The following IL1RAPL2 variants were observed in gnomAD, a reference collection of about 807,000 sequenced individuals.
The protein encoded by IL1RAPL2 is X-linked interleukin-1 receptor accessory protein-like 2.
IL1RAPL2 carries 3 observed loss-of-function variants against 44.1 expected under a neutral mutation model. The observed-to-expected ratio is 0.07, with a 90% CI of 0.03 to 0.18. IL1RAPL2 has a LOEUF of 0.18. Ranked by LOEUF, IL1RAPL2 falls within the 10% of genes least tolerant of loss-of-function variation. IL1RAPL2 has a pLI of 1.00. For missense variants in IL1RAPL2, 391 were observed against 496.4 expected (o/e 0.79, Z 2.02); for synonymous variants, 181 against 178.8 (o/e 1.01, Z -0.10).
intron 7 of IL1RAPL2, among the ~76,000 whole-genome samples, chrX:105,734,446 T>C (rs2038430891): frequency 8.9e-6 from 1 of 111,795 alleles, no homozygotes; most frequent in African/African-American, 3.3e-5. Context: ...TCACCCAGGC[T>C]GGTATACAGT....
intron 2 of IL1RAPL2, among the ~76,000 whole-genome samples, chrX:105,045,381 A>G (rs925820360): frequency 2.7e-5 from 3 of 111,823 alleles, no homozygotes. Flanking sequence ...AAAAAATAAC[A>G]GTGTAAGTGT....
At chrX:105,215,460 A>T (rs2033848550) in intron 3 of IL1RAPL2, among the ~76,000 whole-genome samples, 1 of 111,945 alleles carries the variant, frequency 8.9e-6, no homozygotes, top group Non-Finnish European at 1.9e-5. Context: ...AAATTGAGGC[A>T]GTAATTAATA....
intron 2 of IL1RAPL2, among the ~76,000 whole-genome samples, chrX:105,102,995 G>A (rs1228928042): frequency 9.0e-6 from 1 of 111,447 alleles, no homozygotes; most frequent in Non-Finnish European, 1.9e-5. Context: ...GAGGTTTTTG[G>A]GGGTGGAGAA....
intron 2 of IL1RAPL2, among the ~76,000 whole-genome samples, chrX:104,829,813 A>G (rs985484418): frequency 8.9e-6 from 1 of 112,310 alleles, no homozygotes; most frequent in African/African-American, 3.2e-5. Context: ...AAGATGAAAG[A>G]GTGAATCAGT....
intron 5 of IL1RAPL2, among the ~76,000 whole-genome samples, chrX:105,382,315 G>A (rs2035438628): frequency 9.3e-6 from 1 of 107,947 alleles, no homozygotes; most frequent in Non-Finnish European, 1.9e-5. Flanking sequence ...CGAAGGATAT[G>A]AACAGACACT....
chrX:105,408,228 T>G (rs2147739131), intron 5 of IL1RAPL2, among the ~76,000 whole-genome samples: 1 of 111,903 alleles, frequency 8.9e-6, no homozygotes, highest in Admixed American at 9.4e-5. Context: ...CTGTGATTCT[T>G]TTACTTATAT....
At chrX:105,610,124 G>A (rs1295247788) in intron 6 of IL1RAPL2, among the ~76,000 whole-genome samples, 1 of 111,524 alleles carries the variant, frequency 9.0e-6, no homozygotes, top group East Asian at 2.8e-4. Context: ...TAACAGCCAA[G>A]AATGCATATC....
At chrX:105,122,414 T>C (rs939189716) in intron 2 of IL1RAPL2, among the ~76,000 whole-genome samples, 1 of 111,277 alleles carries the variant, frequency 9.0e-6, no homozygotes, top group African/African-American at 3.3e-5. Flanking sequence ...GGGTTTAAAA[T>C]ATATTACAAT....
chrX:105,115,689 C>T (rs1188284666), intron 2 of IL1RAPL2, among the ~76,000 whole-genome samples: 1 of 113,064 alleles, frequency 8.8e-6, no homozygotes, highest in Non-Finnish European at 1.9e-5. Flanking sequence ...CTGGCTTCAC[C>T]CAGTGGGTCC....
chrX:105,650,908 T>C (rs1409648080), intron 6 of IL1RAPL2, among the ~76,000 whole-genome samples: 1 of 112,442 alleles, frequency 8.9e-6, no homozygotes, highest in East Asian at 2.8e-4. Context: ...AAATAATTCT[T>C]CTGCACAGTT....
At chrX:105,081,039 A>G (rs1203865939) in intron 2 of IL1RAPL2, among the ~76,000 whole-genome samples, 1 of 110,926 alleles carries the variant, frequency 9.0e-6, no homozygotes, top group Non-Finnish European at 1.9e-5. Context: ...GGTGTATAGG[A>G]ATGCTTGTGA....
chrX:104,755,511 T>A (rs900254538), intron 2 of IL1RAPL2, among the ~76,000 whole-genome samples: 1 of 110,445 alleles, frequency 9.1e-6, no homozygotes, highest in Non-Finnish European at 1.9e-5. Context: ...CATGTACCCC[T>A]GAACCTAAAA....
chrX:105,761,642 A>T (rs1252394160), intron 10 of IL1RAPL2, among the ~76,000 whole-genome samples: 1 of 111,902 alleles, frequency 8.9e-6, no homozygotes, highest in African/African-American at 3.2e-5. Flanking sequence ...AACGTTCACC[A>T]AAAATTAATG....
At chrX:104,884,581 AT>A (rs147929377) in intron 2 of IL1RAPL2, among the ~76,000 whole-genome samples, 1 of 109,928 alleles carries the variant, frequency 9.1e-6, no homozygotes, top group Admixed American at 9.7e-5. Flanking sequence ...GAGGTGGCTC[AT>A]TTTTTTCTGC....
intron 2 of IL1RAPL2, among the ~76,000 whole-genome samples, chrX:104,664,773 C>A (rs1930460878): frequency 9.0e-6 from 1 of 111,157 alleles, no homozygotes; most frequent in South Asian, 3.8e-4. Flanking sequence ...AATTCAAATC[C>A]AGCATCACAG....
chrX:104,840,540 G>T (rs952317527), intron 2 of IL1RAPL2, among the ~76,000 whole-genome samples: 4 of 111,939 alleles, frequency 3.6e-5, no homozygotes, highest in Non-Finnish European at 7.5e-5. Context: ...TGTGTATTCT[G>T]TCAATTTGGG....
At chrX:105,590,851 G>T (rs1188318401) in intron 6 of IL1RAPL2, among the ~76,000 whole-genome samples, 2 of 100,248 alleles carry the variant, frequency 2.0e-5, no homozygotes, top group Non-Finnish European at 3.9e-5. Context: ...GTGTGTGTTT[G>T]TGTGTGTTTG....
At chrX:105,519,010 A>G (rs2036536478) in intron 6 of IL1RAPL2, among the ~76,000 whole-genome samples, 1 of 111,691 alleles carries the variant, frequency 9.0e-6, no homozygotes, top group African/African-American at 3.3e-5. Flanking sequence ...GTCTTATACT[A>G]TCATTTATAG....
chrX:105,733,045 A>G (rs1161187729), intron 7 of IL1RAPL2, among the ~76,000 whole-genome samples: 2 of 111,970 alleles, frequency 1.8e-5, no homozygotes, highest in African/African-American at 6.5e-5. Flanking sequence ...AGTTTTTCCA[A>G]CACAGGTTGA....
Sources: gnomAD v4.1 joint callset for allele counts (sites outside exome capture counted in the v4.1 genomes callset) on GRCh38, gnomAD v4.1.1 for gene constraint, MANE v1.5 for transcripts, NCBI Gene and HGNC (gene_info 2026-07-23, HGNC 2026-07-21) for gene names.